WDR27: variants seen among roughly 807,000 people sequenced by gnomAD.
WDR27 encodes the protein WD repeat-containing protein 27.
WDR27 carries 100 observed loss-of-function variants against 114.4 expected under a neutral mutation model. The ratio of observed to expected loss-of-function variants is 0.87; its 90% CI spans 0.74 to 1.03. WDR27 has a LOEUF of 1.03. Ranked by LOEUF, WDR27 falls within the 50% of genes least tolerant of loss-of-function variation. The pLI, the probability that WDR27 is intolerant of heterozygous loss-of-function variation, is 0.00. For synonymous variants in WDR27, 449 were observed against 423.1 expected, an observed-to-expected ratio of 1.06 and a Z score of -0.75; for missense variants, 1,129 against 1,092.9, an observed-to-expected ratio of 1.03 and a Z score of -0.47.
rs144545027 is a variant in WDR27 at position 169,551,894 on chromosome 6, T to A, written c.2645+20525A>T. On this transcript the variant is annotated intron_variant, in intron 25 of 25. Coordinates refer to ENST00000448612, the MANE Select transcript of WDR27 (RefSeq NM_182552.5). ...TTCTGAACGCAGTCACAGTCGACAC[T>A]TACATGAATGCCTGCGTACTGATAA... is the stretch of plus-strand genomic sequence containing the variant. 4.1e-3 allele frequency among the ~76,000 whole-genome samples: 626 copies of A among 152,266 alleles called. 4 individuals are homozygous for A. Among genetic ancestry groups the A allele is most frequent in the African/African-American group, 0.014 (597 of 41,548 alleles).
chr6:169,533,437 C>T (rs4140611), intron 25 of WDR27, among the ~76,000 whole-genome samples: 26,206 of 152,056 alleles, frequency 0.17, 3,596 homozygotes, highest in East Asian at 0.62. Context: ...AAATAGAAAA[C>T]AATGGAGAAT....
chr6:169,664,070 C>T, intron 8 of WDR27, 96 bp downstream of exon 8: 2 of 1,161,174 alleles, frequency 1.7e-6, no homozygotes, highest in Non-Finnish European at 2.4e-6. Flanking sequence ...ACATTGGGAT[C>T]TCTCTCTCCC....
chr6:169,643,293 T>TA (rs1482453639), intron 17 of WDR27, among the ~76,000 whole-genome samples: 69 of 151,382 alleles, frequency 4.6e-4, no homozygotes, highest in African/African-American at 6.9e-4. Flanking sequence ...TCTACTTTTT[T>TA]TAAAAAAAAA....
chr6:169,449,015 G>A, the WDR27 span, among the ~76,000 whole-genome samples: 4 of 152,272 alleles, frequency 2.6e-5, no homozygotes, highest in African/African-American at 9.6e-5. Flanking sequence ...TGGCATATAA[G>A]AACTAAAACA....
In WDR27 at chr6:169,653,109, C is replaced by T. The variant is rs770646991; in HGVS notation, c.1403-1101G>A. The stretch of plus-strand genomic sequence containing the variant: ...ACGAGCGGACCCCGTGGGTTGGACA[C>T]GCAGGAGGCACTGCTCGCCACTCAG... On this transcript the variant is annotated intron_variant, in intron 13 of 25. Transcript: ENST00000448612. Among the ~76,000 whole-genome samples the T allele has an allele frequency of 5.3e-5, 8 of 152,330 alleles. No homozygotes were observed. In the South Asian group the frequency reaches 8.3e-4, roughly 16 times the overall value.
intron 1 of WDR27, among the ~76,000 whole-genome samples, chr6:169,695,563 G>C (rs148987459): frequency 6.6e-6 from 1 of 152,270 alleles, no homozygotes; most frequent in East Asian, 1.9e-4. Context: ...ATTTCTAAAT[G>C]ATTACAGAGC....
At chr6:169,602,378 T>G (rs1808196259) in intron 22 of WDR27, 57 bp from the exon 23 acceptor site, 1 of 1,157,876 alleles carries the variant, frequency 8.6e-7, no homozygotes, top group African/African-American at 1.5e-5. Flanking sequence ...GAATGCAAAT[T>G]AGAGGAAAGA....
intron 25 of WDR27, among the ~76,000 whole-genome samples, chr6:169,549,358 G>C (rs998218419): frequency 6.6e-6 from 1 of 152,134 alleles, no homozygotes; most frequent in Non-Finnish European, 1.5e-5. Flanking sequence ...CTAAAGTCCA[G>C]AACATGGAAA....
chr6:169,608,523 G>C (rs1435610245), intron 22 of WDR27, among the ~76,000 whole-genome samples: 1 of 152,128 alleles, frequency 6.6e-6, no homozygotes, highest in Admixed American at 6.5e-5. Context: ...GACAGAATGA[G>C]GAAGAAACCT....
At chr6:169,611,306 C>CTT (rs56812983) in intron 22 of WDR27, among the ~76,000 whole-genome samples, 11,467 of 132,190 alleles carry the variant, frequency 0.087, 1,210 homozygotes, top group African/African-American at 0.19. Context: ...TTTTTACTTA[C>CTT]TTTTTTTTTT....
At chr6:169,428,081 G>A in the WDR27 span, among the ~76,000 whole-genome samples, 89 of 152,274 alleles carry the variant, frequency 5.8e-4, no homozygotes, top group African/African-American at 2.1e-3. Flanking sequence ...CAAAACAGAG[G>A]GCTGAGTCAT....
intron 2 of WDR27, among the ~76,000 whole-genome samples, chr6:169,686,511 C>A (rs569997064): frequency 6.6e-6 from 1 of 152,012 alleles, no homozygotes; most frequent in African/African-American, 2.4e-5. Flanking sequence ...ATGTGGACTA[C>A]GAGAAACTCA....
At chr6:169,427,347 G>T in the WDR27 span, among the ~76,000 whole-genome samples, 5 of 152,148 alleles carry the variant, frequency 3.3e-5, no homozygotes, top group African/African-American at 1.2e-4. Flanking sequence ...GAGACAGGGA[G>T]GACCCAGGAA....
intron 21 of WDR27, among the ~76,000 whole-genome samples, chr6:169,631,249 A>T (rs965250149): frequency 6.6e-6 from 1 of 152,180 alleles, no homozygotes; most frequent in African/African-American, 2.4e-5. Flanking sequence ...AGTGTTTAAA[A>T]ACATGTTTGC....
chr6:169,575,769 T>C (rs1802232920), intron 24 of WDR27, among the ~76,000 whole-genome samples: 1 of 152,246 alleles, frequency 6.6e-6, no homozygotes, highest in South Asian at 2.1e-4. Flanking sequence ...GAGTCACATG[T>C]TTCATTTTAT....
chr6:169,579,474 A>T (rs1203416915), intron 24 of WDR27, among the ~76,000 whole-genome samples: 3 of 152,112 alleles, frequency 2.0e-5, no homozygotes, highest in African/African-American at 7.2e-5. Context: ...CTGGGTCATG[A>T]CCCTGCTGAT....
At chr6:169,648,606 G>A (rs1451310935) in intron 15 of WDR27, among the ~76,000 whole-genome samples, 1 of 152,262 alleles carries the variant, frequency 6.6e-6, no homozygotes, top group East Asian at 1.9e-4. Context: ...GCTCTGTAAT[G>A]CAGTGATTGC....
chr6:169,636,252 G>T, intron 19 of WDR27, 119 bp downstream of exon 19: 2 of 1,201,428 alleles, frequency 1.7e-6, no homozygotes, highest in African/African-American at 1.5e-5. Flanking sequence ...AGAGTTTGGT[G>T]ATATGAGGTC....
At chr6:169,656,563 TC>T (rs780055609) in intron 13 of WDR27, among the ~76,000 whole-genome samples, 31 of 151,442 alleles carry the variant, frequency 2.0e-4, no homozygotes, top group South Asian at 8.4e-4. Context: ...ACGAAGAGGT[TC>T]GGGGGGCTGA....
Sources: allele counts gnomAD v4.1 joint callset (sites outside exome capture counted in the v4.1 genomes callset), GRCh38; gene constraint gnomAD v4.1.1; transcripts MANE v1.5; gene names NCBI Gene and HGNC (gene_info 2026-07-23, HGNC 2026-07-21).